The following TTC17 variants were observed in gnomAD, a reference collection of about 807,000 sequenced individuals.
The protein encoded by TTC17 is tetratricopeptide repeat domain 17.
TTC17 carries 58 observed loss-of-function variants against 143.8 expected under a neutral mutation model. The observed-to-expected ratio is 0.40, with a 90% CI of 0.33 to 0.50. The LOEUF (loss-of-function observed/expected upper bound fraction) is 0.50, where lower values mean the gene tolerates loss of function less well. Ranked by LOEUF, TTC17 falls within the 20% of genes least tolerant of loss-of-function variation. TTC17 has a pLI of 0.49. For missense variants in TTC17, 1,273 were observed against 1,392.5 expected (o/e 0.91, Z 1.37); for synonymous variants, 501 against 497.8 (o/e 1.01, Z -0.09).
chr11:43,473,920 C>T (rs1374540664), intron 21 of TTC17, among the ~76,000 whole-genome samples: 2 of 151,580 alleles, frequency 1.3e-5, no homozygotes, highest in African/African-American at 4.8e-5. Context: ...AATGGATGAC[C>T]TTTACAGGGA....
At chr11:43,359,225 A>G in intron 1 of TTC17, 112 bp downstream of exon 1, 2 of 1,336,522 alleles carry the variant, frequency 1.5e-6, no homozygotes, top group Non-Finnish European at 2.0e-6. Flanking sequence ...GCCTACCCTC[A>G]CAGGGAGGTG....
chr11:43,385,429 A>G (rs1857133480), intron 2 of TTC17, among the ~76,000 whole-genome samples: 1 of 152,200 alleles, frequency 6.6e-6, no homozygotes, highest in South Asian at 2.1e-4. Context: ...AAAAGAGAGA[A>G]AACACAAATT....
At chr11:43,473,380 ATAT>A (rs1448973651) in intron 21 of TTC17, among the ~76,000 whole-genome samples, 1 of 152,204 alleles carries the variant, frequency 6.6e-6, no homozygotes, top group Non-Finnish European at 1.5e-5. Context: ...CTAAATGGAT[ATAT>A]TAGTTTAAAA....
intron 3 of TTC17, among the ~76,000 whole-genome samples, chr11:43,390,506 C>T (rs968990039): frequency 1.3e-5 from 2 of 151,906 alleles, no homozygotes; most frequent in African/African-American, 4.8e-5. Flanking sequence ...GTCCCAGCTA[C>T]TCGGGAAGCT....
intron 5 of TTC17, 82 bp downstream of exon 5, chr11:43,392,034 T>C (rs1857410403): frequency 6.8e-7 from 1 of 1,468,924 alleles, no homozygotes; most frequent in South Asian, 1.4e-5. Flanking sequence ...TCTTGGAAAA[T>C]ACCTGACTAA....
At chr11:43,399,744 A>G (rs1393444558) in intron 8 of TTC17, 144 bp from the exon 9 acceptor site, 5 of 723,144 alleles carry the variant, frequency 6.9e-6, no homozygotes, top group Non-Finnish European at 1.1e-5. Flanking sequence ...GTATTCTTGA[A>G]CTGGTGATAC....
intron 16 of TTC17, among the ~76,000 whole-genome samples, chr11:43,440,137 G>A (rs903752360): frequency 7.9e-5 from 12 of 152,138 alleles, no homozygotes; most frequent in African/African-American, 2.9e-4. Context: ...CACCAAACCA[G>A]AATTCGGTAT....
chr11:43,389,901 A>G (rs1857312225), intron 3 of TTC17, 80 bp downstream of exon 3: 25 of 1,321,802 alleles, frequency 1.9e-5, no homozygotes, highest in Non-Finnish European at 2.2e-5. Flanking sequence ...TTATTTCTGT[A>G]ATAAGGGTAA....
intron 1 of TTC17, among the ~76,000 whole-genome samples, chr11:43,363,140 T>A (rs1446193076): frequency 1.3e-5 from 2 of 152,224 alleles, no homozygotes; most frequent in African/African-American, 4.8e-5. Context: ...AAAGGAGCAC[T>A]AGCGTAATCA....
At chr11:43,483,867 C>T (rs1432002408) in intron 21 of TTC17, among the ~76,000 whole-genome samples, 1 of 152,142 alleles carries the variant, frequency 6.6e-6, no homozygotes, top group African/African-American at 2.4e-5. Flanking sequence ...TTAGGCTGGG[C>T]GCAGTGGCTC....
rs922210115 is a variant in TTC17 at position 43,359,337 on chromosome 11, C to A, written c.159+224C>A. On this transcript the variant is annotated intron_variant, in intron 1 of 23. Coordinates refer to ENST00000039989, the MANE Select transcript of TTC17 (RefSeq NM_018259.6). ...TGGCCCCCTAGAAGTTCTCACCCTT[C>A]CACCTCGCGGGCCGCGCGCCGCGTG... 1.9e-5 allele frequency: 10 copies of A among 529,970 alleles called. No homozygotes were observed. In the African/African-American group the frequency reaches 2.0e-4, roughly 11 times the overall value. 32.8% of individuals were successfully genotyped at this position (529,970 alleles called of 1,614,324 possible).
intron 16 of TTC17, among the ~76,000 whole-genome samples, chr11:43,441,026 T>C (rs758587560): frequency 5.3e-4 from 80 of 151,570 alleles, no homozygotes; most frequent in Non-Finnish European, 1.1e-3. Flanking sequence ...TCCAAGCACT[T>C]AGAGAGCCTG....
intron 1 of TTC17, among the ~76,000 whole-genome samples, chr11:43,365,332 G>T (rs569170771): frequency 6.6e-6 from 1 of 151,984 alleles, no homozygotes; most frequent in Non-Finnish European, 1.5e-5. Flanking sequence ...TCAGTGGCAT[G>T]ATTATGGCTC....
At chr11:43,391,363 C>A in intron 3 of TTC17, 102 bp from the exon 4 acceptor site, 2 of 752,136 alleles carry the variant, frequency 2.7e-6, no homozygotes, top group Non-Finnish European at 4.5e-6. Context: ...CATGCCACTG[C>A]ACTCCAGCCT....
chr11:43,480,460 G>A (rs1415883394), intron 21 of TTC17, among the ~76,000 whole-genome samples: 1 of 152,096 alleles, frequency 6.6e-6, no homozygotes. Flanking sequence ...TTAAAGATAA[G>A]CAAAGAGCTA....
intron 16 of TTC17, among the ~76,000 whole-genome samples, chr11:43,419,652 T>TA (rs1565156520): frequency 6.6e-6 from 1 of 152,350 alleles, no homozygotes; most frequent in East Asian, 1.9e-4. Flanking sequence ...ATCTGCTTTT[T>TA]AAAAAAAGAT....
chr11:43,483,094 A>G (rs931418587), intron 21 of TTC17, among the ~76,000 whole-genome samples: 7 of 152,136 alleles, frequency 4.6e-5, no homozygotes, highest in Non-Finnish European at 8.8e-5. Context: ...CAGGTAGACA[A>G]TTTCTTAGAA....
intron 5 of TTC17, among the ~76,000 whole-genome samples, chr11:43,393,434 G>A (rs1468816029): frequency 6.6e-6 from 1 of 151,230 alleles, no homozygotes; most frequent in Non-Finnish European, 1.5e-5. Context: ...GGTGCACAGA[G>A]CTTCCATGTC....
chr11:43,469,454 C>T (rs868052705), intron 21 of TTC17, among the ~76,000 whole-genome samples: 2 of 152,066 alleles, frequency 1.3e-5, no homozygotes, highest in South Asian at 4.1e-4. Context: ...GCCAATAAAA[C>T]TGGTAACAGT....
Sources: allele counts gnomAD v4.1 joint callset (sites outside exome capture counted in the v4.1 genomes callset), GRCh38; gene constraint gnomAD v4.1.1; transcripts MANE v1.5; gene names NCBI Gene and HGNC (gene_info 2026-07-23, HGNC 2026-07-21).